DFFA: variants seen among roughly 807,000 people sequenced by gnomAD.
DFFA encodes DNA fragmentation factor subunit alpha, also known as DFF45.
A neutral mutation model predicts 28.0 loss-of-function variants in DFFA; 14 were observed. That is an observed-to-expected ratio of 0.50 (90% CI 0.33 to 0.78). The LOEUF is 0.78. Among genes scored for constraint, DFFA ranks in the 30% least tolerant of loss-of-function variants. DFFA has a pLI of 0.02. For missense variants in DFFA, 395 were observed against 407.1 expected, an observed-to-expected ratio of 0.97 and a Z score of 0.26; for synonymous variants, 158 against 170.3, an observed-to-expected ratio of 0.93 and a Z score of 0.56.
rs1641106055 is a variant in DFFA at position 10,472,064 on chromosome 1, G to A, written c.136+259C>T. Among the ~76,000 whole-genome samples, 1 of 152,132 alleles carries A rather than the reference G, an allele frequency of 6.6e-6. No individual in the cohort carries two copies. The highest frequency in any genetic ancestry group is 1.5e-5 in the Non-Finnish European group (1 of 68,036). On this transcript the variant is annotated intron_variant, in intron 1 of 5. Transcript: ENST00000377038. The surrounding 1 kb of genome is among the most constrained non-coding windows in gnomAD (Gnocchi z 5.0). ...AACATCGAAGTGATTTCAGGCAAGA[G>A]ACCTAAGCCGAGTCTGGCTTAATTT...
chr1:10,462,902 G>A (rs897500286), intron 5 of DFFA, 156 bp downstream of exon 5: 2 of 1,445,550 alleles, frequency 1.4e-6, no homozygotes, highest in African/African-American at 2.8e-5. Flanking sequence ...AGATTAATGA[G>A]ATTTTTGCAA....
chr1:10,471,004 A>C (rs945404014), intron 1 of DFFA, among the ~76,000 whole-genome samples: 3 of 143,438 alleles, frequency 2.1e-5, no homozygotes, highest in Non-Finnish European at 4.5e-5. Flanking sequence ...CGGAGCTTGC[A>C]GTGAGCCGAG....
intron 3 of DFFA, among the ~76,000 whole-genome samples, chr1:10,466,332 G>A (rs908578081): frequency 2.6e-5 from 4 of 152,072 alleles, no homozygotes; most frequent in Non-Finnish European, 5.9e-5. Context: ...TACAGGTACA[G>A]GTGCACACCA....
At position 10,457,350 on chromosome 1, in the gene DFFA, T is replaced by A. The variant is rs906248833; in HGVS notation, c.*4140A>T. ...TTTGTAGAGATGGGGTCTTGCTATG[T>A]TCCCCAGGTCGGTCTGTCGGTCATG... On this transcript the variant is annotated 3_prime_UTR_variant, in exon 6 of 6. Coordinates refer to ENST00000377038, the MANE Select transcript of DFFA (RefSeq NM_004401.3). The A allele has an allele frequency of 6.6e-6, 1 of 152,276 alleles. No individual in the cohort carries two copies. The highest frequency in any genetic ancestry group is 2.4e-5 in the African/African-American group (1 of 41,436). 9.4% of individuals were successfully genotyped at this position (152,276 alleles called of 1,614,324 possible). A position where few individuals can be genotyped will look rare whatever the true frequency, so the allele number is the denominator to read the frequency against.
At position 10,463,477 on chromosome 1, in the gene DFFA, G is replaced by A. The variant is rs750685225; in HGVS notation, c.585C>T (p.Tyr195=). The part of the protein sequence containing the change: ...VRQSKQLLQL[Y]LQALEKEGSL... ...TGCCCTCTTTCTCCAAAGCCTGGAGGTACAGCTGCAGGAGCTGCTTGGACT... is the reference window on the plus strand; with the variant it reads ...TGCCCTCTTTCTCCAAAGCCTGGAGATACAGCTGCAGGAGCTGCTTGGACT... Residue 195 remains tyrosine (Y), a synonymous_variant, in exon 4 of 6, where the codon TAC becomes TAT. Transcript: ENST00000377038. The A allele has an allele frequency of 6.2e-7, 1 of 1,614,046 alleles. No homozygotes were observed. Among genetic ancestry groups the A allele is most frequent in the African/African-American group, 1.3e-5 (1 of 75,042 alleles).
At position 10,469,218 on chromosome 1, in the gene DFFA, AC is replaced by A; in HGVS notation, c.256del (p.Val86TrpfsTer28). On this transcript the variant is annotated frameshift_variant, in exon 2 of 6. Transcript: ENST00000377038. LOFTEE classifies it high-confidence loss of function. ...FLCLPSNTKF[V>X]ALASNEKWAY... ...CCATTTCTCATTACTAGCCAATGCC[AC>A]AAACTTAGTATTGGAAGGTAGACAC... 1 of 1,614,222 alleles carries A rather than the reference AC, an allele frequency of 6.2e-7. No individual in the cohort carries two copies. Among genetic ancestry groups the A allele is most frequent in the Non-Finnish European group, 8.5e-7 (1 of 1,180,040 alleles).
At chr1:10,463,803 T>C (rs1297143377) in intron 3 of DFFA, among the ~76,000 whole-genome samples, 183 bp from the exon 4 acceptor site, 1 of 151,780 alleles carries the variant, frequency 6.6e-6, no homozygotes, top group Admixed American at 6.6e-5. Flanking sequence ...TAGCTGGGAT[T>C]ACAGGCATGT....
In DFFA at chr1:10,472,481, C is replaced by A. The variant is rs759520106; in HGVS notation, c.-23G>T. ...CATCCTCCACAAGGTGGGACCTGCC[C>A]ACCTTCGAGAAGTCGCGGGAGGCCG... On this transcript the variant is annotated 5_prime_UTR_variant, in exon 1 of 6. Coordinates refer to ENST00000377038, the MANE Select transcript of DFFA (RefSeq NM_004401.3). The surrounding 1 kb of genome is among the most constrained non-coding windows in gnomAD (Gnocchi z 5.0). The A allele has an allele frequency of 1.9e-6, 3 of 1,575,772 alleles. No homozygotes were observed. The highest frequency in any genetic ancestry group is 2.6e-6 in the Non-Finnish European group (3 of 1,156,648).
At position 10,458,998 on chromosome 1, in the gene DFFA, GT is replaced by G. The variant is rs1640893775; in HGVS notation, c.*2491del. 6.6e-6 allele frequency: 1 copy of G among 151,908 alleles called. No homozygotes were observed. Among genetic ancestry groups the G allele is most frequent in the Non-Finnish European group, 1.5e-5 (1 of 68,010 alleles). The allele number at this position is 151,908 out of a possible 1,614,324, so 9.4% of individuals were successfully genotyped here. ...CTCCCAAGTAACTGGGACTACAGGCGTGTACCACTACACCCGGCTAATTTTT... is the reference window on the plus strand; with the variant it reads ...CTCCCAAGTAACTGGGACTACAGGCGGTACCACTACACCCGGCTAATTTTT... On this transcript the variant is annotated 3_prime_UTR_variant, in exon 6 of 6. Transcript: ENST00000377038.
Position 10,472,295 on chromosome 1 carries a change from A to G in DFFA, c.136+28T>C. The G allele has an allele frequency of 6.5e-7, 1 of 1,548,222 alleles. No homozygotes were observed. The highest frequency in any genetic ancestry group is 8.8e-7 in the Non-Finnish European group (1 of 1,141,058). The stretch of plus-strand genomic sequence containing the variant: ...GTCCTCACCCGGCCCTGGCTCCCCC[A>G]CACCCTCGCCCGGGGTCCCGAGCCA... On this transcript the variant is annotated intron_variant, in intron 1 of 5. Coordinates refer to ENST00000377038, the MANE Select transcript of DFFA (RefSeq NM_004401.3). This position sits in a 1 kb window ranked among gnomAD's most constrained non-coding sequence, Gnocchi z 5.0.
At position 10,458,393 on chromosome 1, in the gene DFFA, T is replaced by C. The variant is rs1191796281; in HGVS notation, c.*3097A>G. 6.6e-6 allele frequency: 1 copy of C among 152,078 alleles called. No homozygotes were observed. Among genetic ancestry groups the C allele is most frequent in the African/African-American group, 2.4e-5 (1 of 41,408 alleles). The allele number at this position is 152,078 out of a possible 1,614,324, so 9.4% of individuals were successfully genotyped here. A position where few individuals can be genotyped will look rare whatever the true frequency, so the allele number is the denominator to read the frequency against. ...AGCTATAAAAAAGGAAATGTTGGGG[T>C]GAGAGCCAATGGAGGGCATTAGTAA... On this transcript the variant is annotated 3_prime_UTR_variant, in exon 6 of 6. Coordinates refer to ENST00000377038, the MANE Select transcript of DFFA (RefSeq NM_004401.3).
rs1570099923 is a variant in DFFA at position 10,461,118 on chromosome 1, G to GC, written c.*371dup. The GC allele has an allele frequency of 1.1e-5, 2 of 177,020 alleles. No homozygotes were observed. Among genetic ancestry groups the GC allele is most frequent in the Admixed American group, 5.6e-5 (1 of 17,918 alleles). 11.0% of individuals were successfully genotyped at this position (177,020 alleles called of 1,614,324 possible). ...GTAGAGACAGGGTTTCACCATGTTA[G>GC]CCAGGATGGTCTCGATCTCCTGACT... On this transcript the variant is annotated 3_prime_UTR_variant, in exon 6 of 6. Coordinates refer to ENST00000377038, the MANE Select transcript of DFFA (RefSeq NM_004401.3).
In DFFA at chr1:10,472,186, C is replaced by A. The variant is rs1641107661; in HGVS notation, c.136+137G>T. ...AAATCTGTAAATCGCTATGCCCACTCGGACCGTTTCTGTCCCAAGCCTCCA... is the reference window on the plus strand; with the variant it reads ...AAATCTGTAAATCGCTATGCCCACTAGGACCGTTTCTGTCCCAAGCCTCCA... On this transcript the variant is annotated intron_variant, in intron 1 of 5. Transcript: ENST00000377038. This position sits in a 1 kb window ranked among gnomAD's most constrained non-coding sequence, Gnocchi z 5.0. 1.8e-6 allele frequency: 2 copies of A among 1,105,244 alleles called. No individual in the cohort carries two copies. The highest frequency in any genetic ancestry group is 2.5e-6 in the Non-Finnish European group (2 of 803,738). 68.5% of individuals were successfully genotyped at this position (1,105,244 alleles called of 1,614,324 possible). A position where few individuals can be genotyped will look rare whatever the true frequency, so the allele number is the denominator to read the frequency against.
chr1:10,461,701 A>C lies in DFFA; in HGVS notation c.785T>G (p.Leu262Trp). The change falls in exon 6 of 6, where the codon TTG (leucine) becomes TGG (tryptophan). Residue 262 changes from leucine (L) to tryptophan (W), a missense_variant and splice_region_variant. Leu to Trp is a moderately conservative substitution (Grantham distance 61, BLOSUM62 -2). Coordinates refer to ENST00000377038, the MANE Select transcript of DFFA (RefSeq NM_004401.3). ...TGCTTTGGGGTCTTCCTTGGTAACCAACTGCAGCAAGAATAAAAACCCCTG... is the reference window on the plus strand; with the variant it reads ...TGCTTTGGGGTCTTCCTTGGTAACCCACTGCAGCAAGAATAAAAACCCCTG... ...ELSLSSQDLE[L>W]VTKEDPKALA... 1.2e-6 allele frequency: 2 copies of C among 1,614,046 alleles called. No individual in the cohort carries two copies. The highest frequency in any genetic ancestry group is 1.7e-6 in the Non-Finnish European group (2 of 1,179,954).
intron 3 of DFFA, among the ~76,000 whole-genome samples, chr1:10,464,713 T>TCAAAC (rs1158990162): frequency 1.3e-5 from 2 of 152,124 alleles, no homozygotes; most frequent in Non-Finnish European, 2.9e-5. Context: ...AGACCCTGTC[T>TCAAAC]CAAACCAAAC....
intron 1 of DFFA, among the ~76,000 whole-genome samples, chr1:10,471,045 A>ATC (rs1641090796): frequency 7.4e-6 from 1 of 135,832 alleles, no homozygotes; most frequent in African/African-American, 2.8e-5. Flanking sequence ...CCTGGGTGAC[A>ATC]GAGTGACACT....
chr1:10,465,422 C>T (rs904555546), intron 3 of DFFA, among the ~76,000 whole-genome samples: 9 of 152,098 alleles, frequency 5.9e-5, no homozygotes, highest in South Asian at 2.1e-4. Context: ...CTTGCCGCCA[C>T]GCCTGGCTAA....
At chr1:10,462,020 A>T in intron 5 of DFFA, 1 of 222,262 alleles carries the variant, frequency 4.5e-6, no homozygotes, top group African/African-American at 2.3e-5. Context: ...ACGCCTGGCT[A>T]ATTTTTTTGT....
At chr1:10,471,102 A>C (rs1230503741) in intron 1 of DFFA, among the ~76,000 whole-genome samples, 2 of 149,778 alleles carry the variant, frequency 1.3e-5, no homozygotes, top group East Asian at 3.9e-4. Context: ...TTTGTTCTTT[A>C]CAGTATCTTC....
Sources: allele counts gnomAD v4.1 joint callset (sites outside exome capture counted in the v4.1 genomes callset), GRCh38; gene constraint gnomAD v4.1.1; non-coding constraint Gnocchi (gnomAD v3.1); transcripts MANE v1.5; gene names NCBI Gene and HGNC (gene_info 2026-07-23, HGNC 2026-07-21).